SPRY3: variants seen among roughly 807,000 people sequenced by gnomAD.
The protein encoded by SPRY3 is protein sprouty homolog 3.
SPRY3 carries 15 observed loss-of-function variants against 20.2 expected under a neutral mutation model. That is an observed-to-expected ratio of 0.74 (90% CI 0.50 to 1.14). The LOEUF is 1.14. Among genes scored for constraint, SPRY3 ranks in the 50% most tolerant of loss-of-function variants. SPRY3 has a pLI of 0.00. For missense variants in SPRY3, 364 were observed against 363.9 expected (o/e 1.00, Z 0.00); for synonymous variants, 143 against 136.5 (o/e 1.05, Z -0.33).
intron 2 of SPRY3, among the ~76,000 whole-genome samples, chrX:155,732,026 A>G (rs1385951924): frequency 6.6e-6 from 1 of 151,996 alleles, no homozygotes; most frequent in Non-Finnish European, 1.5e-5. Flanking sequence ...GTAAATCTCA[A>G]TTGATAAAAA....
intron 1 of SPRY3, among the ~76,000 whole-genome samples, chrX:155,635,632 T>C (rs1178823873): frequency 8.9e-6 from 1 of 112,035 alleles, no homozygotes; most frequent in Non-Finnish European, 1.9e-5. Flanking sequence ...TCACTGGTCA[T>C]CAGAGAAATG....
intron 2 of SPRY3, among the ~76,000 whole-genome samples, chrX:155,741,813 C>T (rs1335489684): frequency 6.6e-6 from 1 of 152,104 alleles, no homozygotes; most frequent in East Asian, 1.9e-4. Flanking sequence ...TTTATCACCA[C>T]CAGGCCTCCC....
At chrX:155,741,700 C>T (rs1460012466) in intron 2 of SPRY3, among the ~76,000 whole-genome samples, 2 of 152,072 alleles carry the variant, frequency 1.3e-5, no homozygotes, top group Non-Finnish European at 2.9e-5. Context: ...CAGTATTCAA[C>T]GTTCTTAAAA....
chrX:155,636,138 A>G (rs925329922), intron 1 of SPRY3, among the ~76,000 whole-genome samples: 5 of 111,573 alleles, frequency 4.5e-5, no homozygotes, highest in African/African-American at 1.6e-4. Context: ...TTGAATTGGA[A>G]GTTGAGACTG....
intron 2 of SPRY3, among the ~76,000 whole-genome samples, chrX:155,739,340 G>C (rs113950916): frequency 1.1e-3 from 165 of 152,294 alleles, no homozygotes; most frequent in African/African-American, 3.9e-3. Context: ...AGGGGGAGGG[G>C]CAACCACTGT....
At chrX:155,705,545 G>T (rs1370684075) in intron 2 of SPRY3, among the ~76,000 whole-genome samples, 1 of 151,216 alleles carries the variant, frequency 6.6e-6, no homozygotes, top group African/African-American at 2.4e-5. Context: ...ATATTCTGAA[G>T]ACACCAATTT....
At chrX:155,770,962 A>G (rs2091376963) in intron 3 of SPRY3, among the ~76,000 whole-genome samples, 1 of 152,136 alleles carries the variant, frequency 6.6e-6, no homozygotes, top group African/African-American at 2.4e-5. Flanking sequence ...GATTTTATTC[A>G]GGTCCTACTG....
chrX:155,676,401 G>A (rs1163104703), intron 2 of SPRY3, among the ~76,000 whole-genome samples: 1 of 111,098 alleles, frequency 9.0e-6, no homozygotes, highest in Non-Finnish European at 1.9e-5. Flanking sequence ...ATGGAAATCA[G>A]AAGACCTAGA....
chrX:155,631,800 ATAGT>A (rs782765683), intron 1 of SPRY3, among the ~76,000 whole-genome samples: 36 of 111,174 alleles, frequency 3.2e-4, no homozygotes, highest in Middle Eastern at 9.2e-3. Context: ...TTGTGGGTAC[ATAGT>A]TGGTGTATAT....
intron 2 of SPRY3, among the ~76,000 whole-genome samples, chrX:155,674,351 C>A (rs1286611530): frequency 3.6e-5 from 4 of 110,041 alleles, no homozygotes; most frequent in African/African-American, 1.3e-4. Flanking sequence ...TATTTTCTCA[C>A]CATCCTCTCT....
intron 2 of SPRY3, among the ~76,000 whole-genome samples, chrX:155,751,928 TAAAATAAAATAAAATAAAATAAA>T (rs1482961113): frequency 4.5e-5 from 1 of 21,982 alleles, no homozygotes; most frequent in African/African-American, 4.6e-4. Flanking sequence ...GGAAGGGAAA[TAAAATAAAATAAAATAAAATAAA>T]ATAAAATAAA....
intron 2 of SPRY3, among the ~76,000 whole-genome samples, chrX:155,739,927 C>G (rs992934767): frequency 2.0e-5 from 3 of 152,148 alleles, no homozygotes; most frequent in African/African-American, 7.2e-5. Context: ...AGTGACTACA[C>G]CACCTTTCCA....
chrX:155,616,096 TGG>T (rs1557348832), intron 1 of SPRY3, among the ~76,000 whole-genome samples: 1 of 34,889 alleles, frequency 2.9e-5, no homozygotes, highest in Non-Finnish European at 8.0e-5. Flanking sequence ...CACATTTATC[TGG>T]GGTCTCTCTC....
intron 1 of SPRY3, among the ~76,000 whole-genome samples, chrX:155,645,066 G>T (rs1170883498): frequency 5.4e-5 from 6 of 111,459 alleles, no homozygotes; most frequent in African/African-American, 2.0e-4. Flanking sequence ...ATCCTGCCAG[G>T]ACTGGGTCCT....
chrX:155,728,064 G>C (rs922023601), intron 2 of SPRY3, among the ~76,000 whole-genome samples: 22 of 152,168 alleles, frequency 1.4e-4, no homozygotes, highest in African/African-American at 5.3e-4. Context: ...TCAGCTGCCG[G>C]TCTGTTGGAG....
intron 1 of SPRY3, among the ~76,000 whole-genome samples, chrX:155,644,062 G>A (rs2067950369): frequency 9.0e-6 from 1 of 111,124 alleles, no homozygotes. Flanking sequence ...GGGCAAGTCT[G>A]GTGTGGATGA....
At chrX:155,654,987 G>GT (rs1557352858) in intron 1 of SPRY3, among the ~76,000 whole-genome samples, 2 of 111,309 alleles carry the variant, frequency 1.8e-5, no homozygotes, top group Non-Finnish European at 3.8e-5. Context: ...CATCAACAAT[G>GT]TATAAGCATA....
intron 2 of SPRY3, among the ~76,000 whole-genome samples, chrX:155,725,469 G>A (rs2091090919): frequency 6.6e-6 from 1 of 151,918 alleles, no homozygotes; most frequent in Non-Finnish European, 1.5e-5. Flanking sequence ...TTGGTTGGTG[G>A]GCTATTAATT....
intron 1 of SPRY3, among the ~76,000 whole-genome samples, chrX:155,645,343 A>G (rs1327684024): frequency 8.0e-5 from 9 of 112,012 alleles, no homozygotes; most frequent in African/African-American, 1.6e-4. Context: ...GTGTGTCACC[A>G]AGTACAGTGT....
Sources: allele counts gnomAD v4.1 joint callset (sites outside exome capture counted in the v4.1 genomes callset), GRCh38; gene constraint gnomAD v4.1.1; transcripts MANE v1.5; gene names NCBI Gene and HGNC (gene_info 2026-07-23, HGNC 2026-07-21).